Variants in MGAT4C observed in about 807,000 individuals in gnomAD.
MGAT4C encodes the protein MGAT4 family member C.
A neutral mutation model predicts 40.1 loss-of-function variants in MGAT4C; 19 were observed. The ratio of observed to expected loss-of-function variants is 0.47; its 90% CI spans 0.33 to 0.70. MGAT4C has a LOEUF of 0.70. Ranked by LOEUF, MGAT4C falls within the 30% of genes least tolerant of loss-of-function variation. The probability of loss-of-function intolerance (pLI) is 0.02; values close to 1 mark genes in which losing one functional copy is unlikely to be tolerated. For missense variants in MGAT4C, 491 were observed against 563.2 expected, an observed-to-expected ratio of 0.87 and a Z score of 1.30; for synonymous variants, 181 against 187.1, an observed-to-expected ratio of 0.97 and a Z score of 0.27.
intron 2 of MGAT4C, among the ~76,000 whole-genome samples, chr12:86,603,872 A>G (rs910523807): frequency 1.3e-5 from 2 of 148,366 alleles, no homozygotes; most frequent in African/African-American, 4.9e-5. Flanking sequence ...CGAAGAGAGT[A>G]TATCTTAAGT....
At chr12:86,205,628 A>C (rs1307416954) in intron 1 of MGAT4C, among the ~76,000 whole-genome samples, 6 of 151,922 alleles carry the variant, frequency 3.9e-5, no homozygotes, top group Non-Finnish European at 8.8e-5. Flanking sequence ...AATGTTTGAA[A>C]TTTCCTATAA....
At chr12:86,824,919 T>C (rs1419616445) in intron 1 of MGAT4C, among the ~76,000 whole-genome samples, 1 of 151,350 alleles carries the variant, frequency 6.6e-6, no homozygotes, top group Non-Finnish European at 1.5e-5. Flanking sequence ...CAAAAGAATT[T>C]ATATTGAGTT....
At chr12:86,090,451 T>C (rs1008852862) in intron 1 of MGAT4C, among the ~76,000 whole-genome samples, 2 of 151,832 alleles carry the variant, frequency 1.3e-5, no homozygotes, top group Non-Finnish European at 3.0e-5. Flanking sequence ...TTCTGAATAA[T>C]TTTACATTAT....
At chr12:86,699,757 A>G (rs1950322217) in intron 2 of MGAT4C, among the ~76,000 whole-genome samples, 1 of 152,160 alleles carries the variant, frequency 6.6e-6, no homozygotes. Flanking sequence ...AAAAAATGTC[A>G]TTAAGGAAAT....
chr12:85,975,585 A>T lies in MGAT4C; in HGVS notation c.*3704T>A, dbSNP rs1020681884. 2.0e-5 allele frequency: 3 copies of T among 150,948 alleles called. No individual in the cohort carries two copies. The highest frequency in any genetic ancestry group is 4.5e-5 in the Non-Finnish European group (3 of 67,134). 9.4% of individuals were successfully genotyped at this position (150,948 alleles called of 1,614,324 possible). A position where few individuals can be genotyped will look rare whatever the true frequency, so the allele number is the denominator to read the frequency against. ...TGAACCTTCTGTTTTGTCTCCCATG[A>T]AGACAAAAGGCATGCATATAAAATT... On this transcript the variant is annotated 3_prime_UTR_variant, in exon 5 of 5. Coordinates refer to ENST00000611864, the MANE Select transcript of MGAT4C (RefSeq NM_001351288.2).
intron 1 of MGAT4C, among the ~76,000 whole-genome samples, chr12:86,138,381 T>A (rs116134730): frequency 0.012 from 1,789 of 150,904 alleles, 30 homozygotes; most frequent in African/African-American, 0.041. Context: ...TCCTCAGGAT[T>A]CCCACTTGGA....
chr12:86,645,190 A>G (rs759174393), intron 2 of MGAT4C, among the ~76,000 whole-genome samples: 5 of 151,702 alleles, frequency 3.3e-5, no homozygotes, highest in Non-Finnish European at 5.9e-5. Context: ...ATTTATAAAT[A>G]CCAAGAAAAA....
chr12:86,643,728 G>T (rs1451187327), intron 2 of MGAT4C, among the ~76,000 whole-genome samples: 1 of 151,680 alleles, frequency 6.6e-6, no homozygotes, highest in Non-Finnish European at 1.5e-5. Context: ...GTTTCTTTTG[G>T]GTTAATGAAG....
At chr12:86,285,248 T>C (rs1444843149) in intron 4 of MGAT4C, among the ~76,000 whole-genome samples, 1 of 151,888 alleles carries the variant, frequency 6.6e-6, no homozygotes, top group African/African-American at 2.4e-5. Context: ...TCAATGAGAG[T>C]CAGTTATGTA....
chr12:86,757,915 T>C (rs1162390961), intron 1 of MGAT4C, among the ~76,000 whole-genome samples: 1 of 152,148 alleles, frequency 6.6e-6, no homozygotes, highest in African/African-American at 2.4e-5. Context: ...TCACATCTGG[T>C]CACTTTTAAA....
intron 2 of MGAT4C, among the ~76,000 whole-genome samples, chr12:86,447,118 T>TTTTG (rs796108484): frequency 5.9e-5 from 9 of 151,940 alleles, no homozygotes; most frequent in African/African-American, 1.7e-4. Flanking sequence ...GCAGCATTCT[T>TTTTG]TTTGTTTGTT....
At position 86,710,526 on chromosome 12, in the gene MGAT4C, C is replaced by T. The variant is rs373188792; in HGVS notation, c.-229+16683G>A. ...ATTCTTCAAGAGTAAGGTGGCATCT[C>T]ATTGTGGACTTAATTTTCATCTGGA... On this transcript the variant is annotated intron_variant, in intron 2 of 7. Transcript: ENST00000548651. 2.6e-5 allele frequency among the ~76,000 whole-genome samples: 4 copies of T among 152,252 alleles called. No individual in the cohort carries two copies. The East Asian group carries it at 7.7e-4, about 29-fold the overall frequency.
chr12:86,093,731 AAACAACAACAACAACAACAAC>A (rs35399411), intron 1 of MGAT4C, among the ~76,000 whole-genome samples: 4 of 149,424 alleles, frequency 2.7e-5, no homozygotes, highest in African/African-American at 5.0e-5. Context: ...CTCCGTCTAA[AAACAACAACAACAACAACAAC>A]AACAACAACA....
At chr12:85,981,989 T>TCA (rs1193547523) in intron 4 of MGAT4C, among the ~76,000 whole-genome samples, 1 of 152,138 alleles carries the variant, frequency 6.6e-6, no homozygotes, top group East Asian at 1.9e-4. Context: ...AGTAGACATT[T>TCA]CAAATGGTAG....
chr12:86,774,605 T>G (rs1211558153), intron 1 of MGAT4C, among the ~76,000 whole-genome samples: 2 of 152,106 alleles, frequency 1.3e-5, no homozygotes, highest in Non-Finnish European at 2.9e-5. Flanking sequence ...GAAATCATGT[T>G]TGCATCAGTG....
rs202162554 is a variant in MGAT4C, at chr12:86,783,822, A to T, written c.-262+54844T>A. On this transcript the variant is annotated intron_variant, in intron 1 of 7. Transcript: ENST00000548651. ...ATAAAGGAAATCAATTTAGTCTTCA[A>T]ACTGGCAAGGAATAAATTAGTAGTA... Among the ~76,000 whole-genome samples, 3 of 152,298 alleles carry T rather than the reference A, an allele frequency of 2.0e-5. No homozygotes were observed. The East Asian group carries it at 5.8e-4, about 29-fold the overall frequency.
chr12:86,697,490 A>T (rs184490205), intron 2 of MGAT4C, among the ~76,000 whole-genome samples: 152 of 152,032 alleles, frequency 1.0e-3, no homozygotes, highest in African/African-American at 3.6e-3. Flanking sequence ...AAAAAAAGTC[A>T]CTCCTAGAAA....
intron 2 of MGAT4C, among the ~76,000 whole-genome samples, chr12:86,525,501 G>GA (rs1565825769): frequency 6.6e-6 from 1 of 152,134 alleles, no homozygotes; most frequent in African/African-American, 2.4e-5. Context: ...TTGTTTGGAG[G>GA]AAAAAAGATA....
chr12:86,494,425 TTCTC>T (rs1297879055), intron 2 of MGAT4C, among the ~76,000 whole-genome samples: 1 of 151,870 alleles, frequency 6.6e-6, no homozygotes, highest in Non-Finnish European at 1.5e-5. Context: ...CCCCATGTCT[TTCTC>T]TCTCTGACAT....
Sources: allele counts gnomAD v4.1 joint callset (sites outside exome capture counted in the v4.1 genomes callset), GRCh38; gene constraint gnomAD v4.1.1; transcripts MANE v1.5; gene names NCBI Gene and HGNC (gene_info 2026-07-23, HGNC 2026-07-21).